The following TSHZ1 variants were observed in gnomAD, a reference collection of about 807,000 sequenced individuals.
TSHZ1 encodes teashirt homolog 1.
In TSHZ1, 12 loss-of-function variants were observed where a neutral mutation model predicts 67.1. The observed-to-expected ratio is 0.18, with a 90% CI of 0.11 to 0.29. TSHZ1 has a LOEUF of 0.29. Among genes scored for constraint, TSHZ1 ranks in the 10% least tolerant of loss-of-function variants. TSHZ1 has a pLI of 1.00. For missense variants in TSHZ1, 1,305 were observed against 1,413.9 expected (o/e 0.92, Z 1.23); for synonymous variants, 632 against 622.4 (o/e 1.02, Z -0.23).
At chr18:75,224,608 T>G (rs529650508) in intron 1 of TSHZ1, among the ~76,000 whole-genome samples, 1 of 152,318 alleles carries the variant, frequency 6.6e-6, no homozygotes, top group African/African-American at 2.4e-5. Flanking sequence ...ATACTCTTAT[T>G]TATAGCCATC....
At position 75,287,872 on chromosome 18, in the gene TSHZ1, C is replaced by G; in HGVS notation, c.2465C>G (p.Ser822Cys). ...AAGTCCAAGAACAAGCCGCTGGTGTCCAGCGTGGCTGATTCGGTGGCATCA... is the reference window on the plus strand; with the variant it reads ...AAGTCCAAGAACAAGCCGCTGGTGTGCAGCGTGGCTGATTCGGTGGCATCA... ...LTKSKNKPLV[S>C]SVADSVASPL... is the part of the protein sequence containing the mutation. Residue 822 changes from serine (S) to cysteine (C), a missense_variant, in exon 2 of 2, where the codon TCC (serine) becomes TGC (cysteine). Physicochemically the swap from Ser to Cys is moderately radical, Grantham distance 112. Transcript: ENST00000580243. This position sits in a 1 kb window ranked among gnomAD's most constrained non-coding sequence, Gnocchi z 5.0. 1 of 1,614,196 alleles carries G rather than the reference C, an allele frequency of 6.2e-7. No homozygotes were observed. Among genetic ancestry groups the G allele is most frequent in the Non-Finnish European group, 8.5e-7 (1 of 1,180,046 alleles).
intron 1 of TSHZ1, among the ~76,000 whole-genome samples, chr18:75,233,703 C>G (rs2023028846): frequency 6.6e-6 from 1 of 152,058 alleles, no homozygotes; most frequent in Admixed American, 6.6e-5. Flanking sequence ...TCTGATAATC[C>G]CTTTCCTAGT....
chr18:75,259,296 C>T (rs1043637422), intron 1 of TSHZ1, among the ~76,000 whole-genome samples: 9 of 152,178 alleles, frequency 5.9e-5, no homozygotes, highest in African/African-American at 1.7e-4. Context: ...GTAGCTGCCC[C>T]GCTTATCCTC....
At chr18:75,225,358 C>T (rs1226316026) in intron 1 of TSHZ1, among the ~76,000 whole-genome samples, 2 of 152,202 alleles carry the variant, frequency 1.3e-5, no homozygotes, top group African/African-American at 2.4e-5. Context: ...TGAGTGAGGC[C>T]TGGCGGTAGG....
chr18:75,227,314 C>T (rs1156310185), intron 1 of TSHZ1, among the ~76,000 whole-genome samples: 1 of 151,382 alleles, frequency 6.6e-6, no homozygotes, highest in African/African-American at 2.4e-5. Context: ...ATAGATGTTT[C>T]TTCTTTTTCT....
intron 1 of TSHZ1, among the ~76,000 whole-genome samples, chr18:75,254,807 A>G (rs2023343788): frequency 6.6e-6 from 1 of 152,202 alleles, no homozygotes; most frequent in Non-Finnish European, 1.5e-5. Context: ...TTGTTAGAGA[A>G]CTTTAATTTT....
intron 1 of TSHZ1, among the ~76,000 whole-genome samples, chr18:75,239,516 TAA>T (rs772074590): frequency 7.2e-5 from 11 of 152,224 alleles, no homozygotes; most frequent in Non-Finnish European, 1.5e-4. Context: ...TTTGTTTTTT[TAA>T]GAGACTGGAT....
At chr18:75,279,397 G>T (rs1465424519) in intron 1 of TSHZ1, among the ~76,000 whole-genome samples, 1 of 152,232 alleles carries the variant, frequency 6.6e-6, no homozygotes, top group African/African-American at 2.4e-5. Context: ...AATGCCAGAA[G>T]GTTCAGAGGG....
intron 1 of TSHZ1, among the ~76,000 whole-genome samples, chr18:75,269,353 G>A (rs1245347585): frequency 6.6e-6 from 1 of 152,162 alleles, no homozygotes; most frequent in Non-Finnish European, 1.5e-5. Context: ...GGTCCACTAC[G>A]ATGTGGTTCT....
At chr18:75,221,986 G>A (rs2022850957) in intron 1 of TSHZ1, among the ~76,000 whole-genome samples, 1 of 152,136 alleles carries the variant, frequency 6.6e-6, no homozygotes, top group South Asian at 2.1e-4. Flanking sequence ...TATAACTCTA[G>A]AAAGTAATGG....
chr18:75,269,475 A>C (rs186129801), intron 1 of TSHZ1, among the ~76,000 whole-genome samples: 1 of 151,760 alleles, frequency 6.6e-6, no homozygotes, highest in Non-Finnish European at 1.5e-5. Context: ...AGCTGGGGGA[A>C]GTTGGGGGAG....
chr18:75,253,048 C>T (rs2023323140), intron 1 of TSHZ1, among the ~76,000 whole-genome samples: 2 of 152,172 alleles, frequency 1.3e-5, no homozygotes, highest in African/African-American at 2.4e-5. Context: ...ATTCTAAAAA[C>T]AACTTTGGTA....
At chr18:75,285,385 G>T in intron 1 of TSHZ1, 63 bp from the exon 2 acceptor site, 1 of 1,414,460 alleles carries the variant, frequency 7.1e-7, no homozygotes, top group Admixed American at 3.0e-5. Context: ...TCTAACTGCT[G>T]GGGAGGCTGT....
At chr18:75,233,654 G>A (rs185710512) in intron 1 of TSHZ1, among the ~76,000 whole-genome samples, 120 of 152,272 alleles carry the variant, frequency 7.9e-4, no homozygotes, top group Non-Finnish European at 1.3e-3. Flanking sequence ...TAGCTTCTGC[G>A]TTTACAGAAC....
intron 1 of TSHZ1, among the ~76,000 whole-genome samples, chr18:75,277,332 G>A (rs775823431): frequency 2.6e-4 from 39 of 152,210 alleles, no homozygotes; most frequent in Non-Finnish European, 4.7e-4. Flanking sequence ...GCCACAGGAC[G>A]ATGGCACATC....
rs755572080 is a variant in TSHZ1, at chr18:75,287,040, C to T, written c.1633C>T (p.Pro545Ser). 8 of 1,613,876 alleles carry T rather than the reference C, an allele frequency of 5.0e-6. No individual in the cohort carries two copies. In the Admixed American group the frequency reaches 6.7e-5, roughly 13 times the overall value. The change falls in exon 2 of 2, where the codon CCC becomes TCC. Residue 545 changes from proline to serine, a missense_variant. Pro to Ser is a moderately conservative substitution (Grantham distance 74). Transcript: ENST00000580243. This position sits in a 1 kb window ranked among gnomAD's most constrained non-coding sequence, Gnocchi z 5.0. Reference sequence around the variant, plus strand: ...GCGTGAGGAGGACCTGGACGACAGCCCCAAGGGAGGGCTGGACATTCTCAA... The same window carrying T: ...GCGTGAGGAGGACCTGGACGACAGCTCCAAGGGAGGGCTGGACATTCTCAA... ...YLREEDLDDS[P>S]KGGLDILKSL...
intron 1 of TSHZ1, among the ~76,000 whole-genome samples, chr18:75,265,583 G>A (rs1302623629): frequency 6.6e-6 from 1 of 152,206 alleles, no homozygotes; most frequent in Admixed American, 6.5e-5. Flanking sequence ...ACTGTGCATA[G>A]CAACAGGATA....
At chr18:75,226,760 A>C (rs1307171227) in intron 1 of TSHZ1, among the ~76,000 whole-genome samples, 1 of 152,128 alleles carries the variant, frequency 6.6e-6, no homozygotes, top group East Asian at 1.9e-4. Context: ...CAAAGGGGCC[A>C]GGCCGGGCCT....
intron 1 of TSHZ1, among the ~76,000 whole-genome samples, chr18:75,282,042 G>A (rs118025146): frequency 2.1e-4 from 32 of 152,308 alleles, no homozygotes; most frequent in South Asian, 4.1e-4. Context: ...ACACAGGGCC[G>A]TGGACATCTG....
Sources: gnomAD v4.1 joint callset for allele counts (sites outside exome capture counted in the v4.1 genomes callset) on GRCh38, gnomAD v4.1.1 for gene constraint, Gnocchi (gnomAD v3.1) non-coding constraint, MANE v1.5 for transcripts, NCBI Gene and HGNC (gene_info 2026-07-23, HGNC 2026-07-21) for gene names.